The following OTOP1 variants were observed in gnomAD, a reference collection of about 807,000 sequenced individuals.
The protein encoded by OTOP1 is proton channel OTOP1.
OTOP1 carries 59 observed loss-of-function variants against 52.9 expected under a neutral mutation model. That is an observed-to-expected ratio of 1.12 (90% CI 0.91 to 1.39). OTOP1 has a LOEUF of 1.39. OTOP1 is among the 40% of genes most tolerant of loss of function. The pLI is 0.00. For synonymous variants in OTOP1, 317 were observed against 337.7 expected, an observed-to-expected ratio of 0.94 and a Z score of 0.67; for missense variants, 761 against 800.9, an observed-to-expected ratio of 0.95 and a Z score of 0.60.
chr4:4,225,726 C>G (rs1306302319), intron 1 of OTOP1, among the ~76,000 whole-genome samples: 2 of 152,180 alleles, frequency 1.3e-5, no homozygotes, highest in East Asian at 1.9e-4. Context: ...CTCATTTTCT[C>G]AACACCCACT....
chr4:4,205,236 A>T lies in OTOP1; in HGVS notation c.599+836T>A, dbSNP rs1435588914. The stretch of plus-strand genomic sequence containing the variant: ...GAGTGCCTGTTACACGGTGCTTTAC[A>T]TCAATTCCTTCCTTCAGTCCTTGAG... On this transcript the variant is annotated intron_variant, in intron 3 of 5. Coordinates refer to ENST00000296358, the MANE Select transcript of OTOP1 (RefSeq NM_177998.3). Among the ~76,000 whole-genome samples, 3 of 152,152 alleles carry T rather than the reference A, an allele frequency of 2.0e-5. No individual in the cohort carries two copies. In the East Asian group the frequency reaches 5.8e-4, roughly 29 times the overall value.
chr4:4,195,243 T>G (rs1716594858), intron 5 of OTOP1, among the ~76,000 whole-genome samples: 1 of 152,240 alleles, frequency 6.6e-6, no homozygotes, highest in Non-Finnish European at 1.5e-5. Flanking sequence ...TCCCAAAACA[T>G]GCCATGGTGT....
At chr4:4,198,249 C>T (rs1162403857) in intron 4 of OTOP1, 146 bp from the exon 5 acceptor site, 21 of 662,378 alleles carry the variant, frequency 3.2e-5, no homozygotes, top group Non-Finnish European at 5.4e-5. Flanking sequence ...CTTATTATCA[C>T]GTTTAATATC....
chr4:4,191,120 T>C (rs1157558443), intron 5 of OTOP1, among the ~76,000 whole-genome samples: 1 of 152,090 alleles, frequency 6.6e-6, no homozygotes, highest in African/African-American at 2.4e-5. Flanking sequence ...TCCCAGGTGG[T>C]CCATCGAGGC....
chr4:4,215,934 A>G (rs1717137506), intron 1 of OTOP1, among the ~76,000 whole-genome samples: 1 of 152,014 alleles, frequency 6.6e-6, no homozygotes. Flanking sequence ...AGTACCTGGG[A>G]TTACAGGCGT....
At chr4:4,221,888 C>T (rs113170467) in intron 1 of OTOP1, among the ~76,000 whole-genome samples, 3 of 152,126 alleles carry the variant, frequency 2.0e-5, no homozygotes, top group Non-Finnish European at 4.4e-5. Context: ...AGTGCTGGGA[C>T]TACAGGTGTG....
At chr4:4,200,415 G>A (rs1156965111) in intron 4 of OTOP1, among the ~76,000 whole-genome samples, 1 of 150,850 alleles carries the variant, frequency 6.6e-6, no homozygotes, top group Non-Finnish European at 1.5e-5. Flanking sequence ...GGCAGAGCTT[G>A]CAGTGATCCG....
intron 3 of OTOP1, 91 bp downstream of exon 3, chr4:4,205,981 T>G: frequency 1.7e-6 from 2 of 1,168,044 alleles, no homozygotes; most frequent in Non-Finnish European, 2.5e-6. Context: ...TGGTCTGTTT[T>G]TATAACCAAA....
chr4:4,206,177 C>T (rs1187070846), intron 2 of OTOP1, 47 bp from the exon 3 acceptor site: 1 of 1,456,130 alleles, frequency 6.9e-7, no homozygotes, highest in African/African-American at 1.4e-5. Context: ...AGACACTCAT[C>T]TTTACACTTG....
At chr4:4,201,775 T>C (rs1716794184) in intron 4 of OTOP1, among the ~76,000 whole-genome samples, 1 of 152,184 alleles carries the variant, frequency 6.6e-6, no homozygotes, top group Non-Finnish European at 1.5e-5. Flanking sequence ...AGATTAAATG[T>C]CTTCTAAAGG....
In OTOP1 at chr4:4,197,513, G is replaced by A. The variant is rs756010990; in HGVS notation, c.1321C>T (p.Leu441Phe). ...LAIVEKYIQN[L>F]FIFESIHREP... ...CGGTGAATGGATTCAAAGATGAAGA[G>A]GTTCTGGATGTACTTCTCCACGATC... The change falls in exon 5 of 6, where the codon CTC becomes TTC. Residue 441 changes from leucine (L) to phenylalanine (F), a missense_variant. By Grantham distance (22) the Leu-to-Phe change is conservative. Coordinates refer to ENST00000296358, the MANE Select transcript of OTOP1 (RefSeq NM_177998.3). 6.2e-7 allele frequency: 1 copy of A among 1,613,966 alleles called. No homozygotes were observed. The highest frequency in any genetic ancestry group is 1.3e-5 in the African/African-American group (1 of 74,898).
chr4:4,219,952 C>T lies in OTOP1; in HGVS notation c.403+6510G>A, dbSNP rs566795884. Reference sequence around the variant, plus strand: ...ATGTATACATATATACACATATATACGTATACATGTATACATATATACACA... The same window carrying T: ...ATGTATACATATATACACATATATATGTATACATGTATACATATATACACA... On this transcript the variant is annotated intron_variant, in intron 1 of 5. Coordinates refer to ENST00000296358, the MANE Select transcript of OTOP1 (RefSeq NM_177998.3). 1.1e-3 allele frequency among the ~76,000 whole-genome samples: 151 copies of T among 141,490 alleles called. 1 individual carries two copies. Among genetic ancestry groups the T allele is most frequent in the South Asian group, 8.1e-3 (37 of 4,552 alleles). The allele number at this position is 141,490 out of a possible 152,430, so 92.8% of individuals were successfully genotyped here.
chr4:4,190,336 TG>T (rs1716474790), intron 5 of OTOP1, among the ~76,000 whole-genome samples: 1 of 152,170 alleles, frequency 6.6e-6, no homozygotes, highest in Admixed American at 6.5e-5. Context: ...TAGCCAGGTA[TG>T]GCGGCATGTG....
chr4:4,198,708 G>A (rs1178175179), intron 4 of OTOP1, among the ~76,000 whole-genome samples: 2 of 152,138 alleles, frequency 1.3e-5, no homozygotes, highest in Admixed American at 1.3e-4. Context: ...GAAAGTAAAC[G>A]GGTACCACCT....
rs1283267308 is a variant in OTOP1 at position 4,206,150 on chromosome 4, G to A, written c.541-20C>T. 2 of 1,573,212 alleles carry A rather than the reference G, an allele frequency of 1.3e-6. No individual in the cohort carries two copies. Among genetic ancestry groups the A allele is most frequent in the Admixed American group, 1.7e-5 (1 of 58,216 alleles). On this transcript the variant is annotated intron_variant, in intron 2 of 5. Transcript: ENST00000296358. Reference sequence around the variant, plus strand: ...ATATACCTAGATGGAAATAAAGAAAGAAAAGAAAAATCGGTGAGACACTCA... The same window carrying A: ...ATATACCTAGATGGAAATAAAGAAAAAAAAGAAAAATCGGTGAGACACTCA...
intron 5 of OTOP1, among the ~76,000 whole-genome samples, chr4:4,196,446 A>G (rs1268927793): frequency 6.6e-6 from 1 of 151,736 alleles, no homozygotes; most frequent in Non-Finnish European, 1.5e-5. Context: ...AATCCCAGCT[A>G]CTCTGGAGGC....
At chr4:4,192,674 C>A (rs183381132) in intron 5 of OTOP1, among the ~76,000 whole-genome samples, 33 of 152,196 alleles carry the variant, frequency 2.2e-4, no homozygotes, top group African/African-American at 7.7e-4. Context: ...CATAGTATCA[C>A]CATCTCCCCA....
At position 4,197,370 on chromosome 4, in the gene OTOP1, C is replaced by G; in HGVS notation, c.1464G>C (p.Val488=). 2.5e-6 allele frequency: 4 copies of G among 1,614,054 alleles called. No individual in the cohort carries two copies. The highest frequency in any genetic ancestry group is 3.4e-6 in the Non-Finnish European group (4 of 1,180,020). ...GTGGCATGTCCTTGCCCTGGGGAGC[C>G]ACATCTCTGGCCACACCTCCACTCT... is the stretch of plus-strand genomic sequence containing the variant. ...CPKSGGVARD[V]APQGKDMPPA... is the part of the protein sequence containing the mutation. The change falls in exon 5 of 6, where the codon GTG becomes GTC. Residue 488 remains valine (V), a synonymous_variant. Coordinates refer to ENST00000296358, the MANE Select transcript of OTOP1 (RefSeq NM_177998.3).
chr4:4,225,532 G>A (rs1717408775), intron 1 of OTOP1, among the ~76,000 whole-genome samples: 1 of 137,040 alleles, frequency 7.3e-6, no homozygotes, highest in Admixed American at 7.9e-5. Flanking sequence ...TTGTGCCACT[G>A]CACTCCAGCC....
Sources: gnomAD v4.1 joint callset for allele counts (sites outside exome capture counted in the v4.1 genomes callset) on GRCh38, gnomAD v4.1.1 for gene constraint, MANE v1.5 for transcripts, NCBI Gene and HGNC (gene_info 2026-07-23, HGNC 2026-07-21) for gene names.